The following C1QTNF5 variants were observed in gnomAD, a reference collection of about 807,000 sequenced individuals.
C1QTNF5 encodes C1q and TNF related 5, also known as complement C1q tumor necrosis factor-related protein 5.
A neutral mutation model predicts 10.9 loss-of-function variants in C1QTNF5; 5 were observed. That is an observed-to-expected ratio of 0.46 (90% CI 0.24 to 0.97). The LOEUF (loss-of-function observed/expected upper bound fraction) is 0.97. Among genes scored for constraint, C1QTNF5 ranks in the 50% least tolerant of loss-of-function variants. The probability of loss-of-function intolerance (pLI) is 0.19; values close to 1 mark genes in which losing one functional copy is unlikely to be tolerated. For synonymous variants in C1QTNF5, 161 were observed against 156.5 expected (o/e 1.03, Z -0.22); for missense variants, 281 against 339.4 (o/e 0.83, Z 1.35).
At chr11:119,345,424 G>A, upstream of C1QTNF5, 2 of 1,613,886 alleles carry the variant, frequency 1.2e-6, no homozygotes, top group Non-Finnish European at 1.7e-6. Flanking sequence ...ACCTACCTGA[G>A]GAGGGGGCCT....
chr11:119,344,448 G>A, upstream of C1QTNF5: 1 of 1,569,036 alleles, frequency 6.4e-7, no homozygotes, highest in Non-Finnish European at 8.7e-7. Context: ...CCATCCAATA[G>A]GGCTGGCGGT....
At chr11:119,343,802 C>T, upstream of C1QTNF5, 2 of 1,613,772 alleles carry the variant, frequency 1.2e-6, no homozygotes, top group Non-Finnish European at 1.7e-6. Context: ...ATGGCTCTTC[C>T]CTGGCTCCTG....
At chr11:119,344,359 T>C (rs759048629), upstream of C1QTNF5, 2 of 1,613,848 alleles carry the variant, frequency 1.2e-6, no homozygotes, top group South Asian at 1.1e-5. Context: ...GTAGAGAAAG[T>C]GCCCTGGAGG....
rs1565290644 is a variant in C1QTNF5 at position 119,339,457 on chromosome 11, C to G, written c.606G>C (p.Glu202Asp). ...CACCCACCTGCACCCACACTTGGTC[C>G]TCAGGCTCCAGCCTCACCATGGCCC... ...SGGAMVRLEP[E>D]DQVWVQVGVG... The change falls in exon 3 of 3, where the codon GAG becomes GAC. Residue 202 changes from glutamate to aspartate, a missense_variant. By Grantham distance (45) the Glu-to-Asp change is conservative. Transcript: ENST00000528368. This position sits in a 1 kb window ranked among gnomAD's most constrained non-coding sequence, Gnocchi z 5.4. The G allele has an allele frequency of 4.3e-6, 7 of 1,614,002 alleles. No individual in the cohort carries two copies. Among genetic ancestry groups the G allele is most frequent in the Middle Eastern group, 3.3e-4 (2 of 6,084 alleles).
chr11:119,344,546 C>CGT (rs1565294626), upstream of C1QTNF5: 996 of 1,606,536 alleles, frequency 6.2e-4, 10 homozygotes, highest in African/African-American at 0.012. Flanking sequence ...ACGGAGGGCC[C>CGT]GGTTTGAGGC....
At chr11:119,342,829 G>T (rs926007264), upstream of C1QTNF5, 1 of 1,613,044 alleles carries the variant, frequency 6.2e-7, no homozygotes, top group Admixed American at 1.7e-5. Context: ...TGTCCCCCTG[G>T]AGGTGCCTCT....
chr11:119,339,696 A>G lies in C1QTNF5; in HGVS notation c.367T>C (p.Leu123=). Residue 123 remains leucine, a synonymous_variant, in exon 3 of 3, where the codon TTG becomes CTG. Transcript: ENST00000528368. The surrounding 1 kb of genome is among the most constrained non-coding windows in gnomAD (Gnocchi z 5.4). ...TTCACCAGCACGCGGTCGAAGGGCAAGGGTGCGTCAGACGGCGGAGGCACC... is the reference window on the plus strand; with the variant it reads ...TTCACCAGCACGCGGTCGAAGGGCAGGGGTGCGTCAGACGGCGGAGGCACC... The part of the protein sequence containing the change: ...SRVPPPSDAP[L]PFDRVLVNEQ... The G allele has an allele frequency of 6.2e-7, 1 of 1,607,498 alleles. No homozygotes were observed. Among genetic ancestry groups the G allele is most frequent in the Non-Finnish European group, 8.5e-7 (1 of 1,179,228 alleles).
chr11:119,346,083 G>A, the C1QTNF5 span: 1 of 1,610,228 alleles, frequency 6.2e-7, no homozygotes, highest in Non-Finnish European at 8.5e-7. Flanking sequence ...CAAGCAGCAG[G>A]AGGAGCAGGC....
At position 119,339,153 on chromosome 11, in the gene C1QTNF5, C is replaced by T; in HGVS notation, c.*178G>A. On this transcript the variant is annotated 3_prime_UTR_variant, in exon 3 of 3. Coordinates refer to ENST00000528368, the MANE Select transcript of C1QTNF5 (RefSeq NM_001278431.2). This position sits in a 1 kb window ranked among gnomAD's most constrained non-coding sequence, Gnocchi z 5.4. ...CCAGCCACTGCCCCATGCTGCCAGACCTGATCGCAGACAGCCACTGTTCCC... is the reference window on the plus strand; with the variant it reads ...CCAGCCACTGCCCCATGCTGCCAGATCTGATCGCAGACAGCCACTGTTCCC... 1.4e-6 allele frequency: 1 copy of T among 697,796 alleles called. No homozygotes were observed. Among genetic ancestry groups the T allele is most frequent in the Non-Finnish European group, 2.3e-6 (1 of 425,974 alleles). 43.2% of individuals were successfully genotyped at this position (697,796 alleles called of 1,614,324 possible).
upstream of C1QTNF5, chr11:119,341,649 G>A (rs770430181): frequency 3.7e-6 from 6 of 1,613,014 alleles, no homozygotes; most frequent in Non-Finnish European, 5.1e-6. Flanking sequence ...TGGCACTGGT[G>A]CTCCGCTTCC....
chr11:119,346,586 A>C, the C1QTNF5 span: 1 of 1,495,610 alleles, frequency 6.7e-7, no homozygotes, highest in Non-Finnish European at 9.3e-7. Context: ...CTCGCTGACC[A>C]CAAACTCCCT....
upstream of C1QTNF5, chr11:119,345,693 G>A (rs546706818): frequency 3.1e-6 from 5 of 1,611,824 alleles, no homozygotes; most frequent in African/African-American, 1.3e-5. Flanking sequence ...TATTCTCAAG[G>A]TGCCTCTTCC....
At chr11:119,345,019 G>T (rs780265379), upstream of C1QTNF5, 3 of 1,599,318 alleles carry the variant, frequency 1.9e-6, no homozygotes, top group Non-Finnish European at 2.6e-6. Context: ...AAGAAGCCAG[G>T]TTGGGGGTGA....
upstream of C1QTNF5, chr11:119,344,599 C>A (rs1241988236): frequency 6.2e-7 from 1 of 1,613,674 alleles, no homozygotes; most frequent in Non-Finnish European, 8.5e-7. Context: ...AGATCAGACG[C>A]CTGAAGAGAG....
upstream of C1QTNF5, chr11:119,342,540 G>A: frequency 6.2e-7 from 1 of 1,604,864 alleles, no homozygotes; most frequent in Non-Finnish European, 8.5e-7. Context: ...ACGGCAGTAG[G>A]GTTCTGTGAG....
chr11:119,339,439 C>T lies in C1QTNF5; in HGVS notation c.624G>A (p.Gln208=). ...TGCCAATGTAGTCACCCACACCCAC[C>T]TGCACCCACACTTGGTCCTCAGGCT... ...RLEPEDQVWV[Q]VGVGDYIGIY... The change falls in exon 3 of 3, where the codon CAG becomes CAA. Residue 208 remains glutamine (Q), a synonymous_variant. Coordinates refer to ENST00000528368, the MANE Select transcript of C1QTNF5 (RefSeq NM_001278431.2). This position sits in a 1 kb window ranked among gnomAD's most constrained non-coding sequence, Gnocchi z 5.4. 6.2e-7 allele frequency: 1 copy of T among 1,614,098 alleles called. No individual in the cohort carries two copies. Among genetic ancestry groups the T allele is most frequent in the South Asian group, 1.1e-5 (1 of 91,076 alleles).
In C1QTNF5 at chr11:119,340,746, C is replaced by T; in HGVS notation, c.-95G>A. The stretch of plus-strand genomic sequence containing the variant: ...CCTTCGGGGCGCTCGCTACTCCGGA[C>T]CCTCCAGTTGGTGGTGCTCCAGCCC... On this transcript the variant is annotated 5_prime_UTR_variant, in exon 1 of 3. Coordinates refer to ENST00000528368, the MANE Select transcript of C1QTNF5 (RefSeq NM_001278431.2). The T allele has an allele frequency of 3.0e-6, 1 of 334,794 alleles. No homozygotes were observed. Among genetic ancestry groups the T allele is most frequent in the Non-Finnish European group, 5.5e-6 (1 of 180,434 alleles). The allele number at this position is 334,794 out of a possible 1,614,324, so 20.7% of individuals were successfully genotyped here.
At position 119,339,749 on chromosome 11, in the gene C1QTNF5, G is replaced by A. The variant is rs1381319666; in HGVS notation, c.314C>T (p.Ala105Val). 2 of 1,593,836 alleles carry A rather than the reference G, an allele frequency of 1.3e-6. No individual in the cohort carries two copies. The highest frequency in any genetic ancestry group is 1.7e-6 in the Non-Finnish European group (2 of 1,176,706). The change falls in exon 3 of 3, where the codon GCC (alanine) becomes GTC (valine). Residue 105 changes from alanine to valine, a missense_variant. Coordinates refer to ENST00000528368, the MANE Select transcript of C1QTNF5 (RefSeq NM_001278431.2). The surrounding 1 kb of genome is among the most constrained non-coding windows in gnomAD (Gnocchi z 5.4). ...GCTCTCGGAGCGCTTGGCGCTGAAG[G>A]CGGATCGCGGAGGCACCGAGCACTC... is the stretch of plus-strand genomic sequence containing the variant. ...AGECSVPPRS[A>V]FSAKRSESRV...
chr11:119,343,373 T>C (rs749460807), upstream of C1QTNF5, among the ~76,000 whole-genome samples: 1 of 152,108 alleles, frequency 6.6e-6, no homozygotes. Flanking sequence ...GTAAATTATC[T>C]GGGCGTGGTG....
Sources: gnomAD v4.1 joint callset for allele counts (sites outside exome capture counted in the v4.1 genomes callset) on GRCh38, gnomAD v4.1.1 for gene constraint, Gnocchi (gnomAD v3.1) non-coding constraint, MANE v1.5 for transcripts, NCBI Gene and HGNC (gene_info 2026-07-23, HGNC 2026-07-21) for gene names.